Variants in ZNF121 observed in about 807,000 individuals in gnomAD.
ZNF121 encodes zinc finger protein 121 (clone ZHC32).
Under a neutral mutation model 2.4 loss-of-function variants are expected in ZNF121, and 1 was observed. The ratio of observed to expected loss-of-function variants is 0.41; its 90% CI spans 0.15 to 1.94. ZNF121 has a LOEUF of 1.94. ZNF121 is among the 30% of genes most tolerant of loss of function. ZNF121 has a pLI of 0.30. For synonymous variants in ZNF121, 173 were observed against 158.6 expected, an observed-to-expected ratio of 1.09 and a Z score of -0.68; for missense variants, 369 against 466.3, an observed-to-expected ratio of 0.79 and a Z score of 1.92.
intron 1 of ZNF121, among the ~76,000 whole-genome samples, chr19:9,581,370 AAC>A (rs2074247237): frequency 6.9e-6 from 1 of 144,938 alleles, no homozygotes; most frequent in South Asian, 2.2e-4. Flanking sequence ...CGGTTGGTGA[AAC>A]ACCTGATTTT....
In ZNF121 at chr19:9,563,739, TGTTAG is replaced by T. The variant is rs2074113777; in HGVS notation, c.*2196_*2200del. ...TTTTCCCAGCCTGGGCTGGCTTTCTTGTTAGAGGTCAATGCAGTTGGTGACTTTAA... is the reference window on the plus strand; with the variant it reads ...TTTTCCCAGCCTGGGCTGGCTTTCTTAGGTCAATGCAGTTGGTGACTTTAA... On this transcript the variant is annotated 3_prime_UTR_variant, in exon 4 of 4. Transcript: ENST00000320451. The T allele has an allele frequency of 6.6e-6, 1 of 152,248 alleles. No individual in the cohort carries two copies. Among genetic ancestry groups the T allele is most frequent in the South Asian group, 2.1e-4 (1 of 4,834 alleles). The allele number at this position is 152,248 out of a possible 1,614,324, so 9.4% of individuals were successfully genotyped here.
At position 9,577,521 on chromosome 19, in the gene ZNF121, TAA is replaced by T. The variant is rs1200123836; in HGVS notation, c.-160+6938_-160+6939del. ...TGAAGGAGCTATGCAAGGAAAACTA[TAA>T]AACACTGATGAAACAAACTGTAGAG... is the stretch of plus-strand genomic sequence containing the variant. On this transcript the variant is annotated intron_variant, in intron 1 of 3. Transcript: ENST00000320451. Among the ~76,000 whole-genome samples the T allele has an allele frequency of 2.0e-5, 3 of 151,066 alleles. No individual in the cohort carries two copies. In the East Asian group the frequency reaches 5.8e-4, roughly 29 times the overall value.
intron 1 of ZNF121, among the ~76,000 whole-genome samples, chr19:9,570,733 A>G (rs1003141737): frequency 9.0e-6 from 1 of 111,438 alleles, no homozygotes; most frequent in Non-Finnish European, 1.8e-5. Flanking sequence ...CACTTGGCTA[A>G]TTTTTTGCGA....
At chr19:9,583,488 G>GATTTT (rs1568217015) in intron 1 of ZNF121, among the ~76,000 whole-genome samples, 3 of 109,816 alleles carry the variant, frequency 2.7e-5, no homozygotes, top group African/African-American at 1.4e-4. Flanking sequence ...ACCAAGCCTG[G>GATTTT]CTTTTTTTTT....
chr19:9,580,035 G>C (rs1302381150), intron 1 of ZNF121, among the ~76,000 whole-genome samples: 1 of 152,108 alleles, frequency 6.6e-6, no homozygotes, highest in African/African-American at 2.4e-5. Context: ...GCTCACACCT[G>C]TTATCCCAGC....
intron 1 of ZNF121, among the ~76,000 whole-genome samples, chr19:9,583,101 C>T (rs1248897712): frequency 2.0e-5 from 3 of 150,338 alleles, no homozygotes; most frequent in African/African-American, 7.3e-5. Context: ...GCCTGTTGTC[C>T]CTGCTACTCG....
intron 1 of ZNF121, among the ~76,000 whole-genome samples, chr19:9,574,507 T>C (rs192220194): frequency 1.3e-5 from 2 of 152,128 alleles, no homozygotes; most frequent in African/African-American, 4.8e-5. Flanking sequence ...CCCAGCAGAT[T>C]TGCCATGAGA....
Position 9,566,356 on chromosome 19 carries a change from CCT to C in ZNF121, c.755_756del (p.Glu252GlyfsTer5). 1 of 1,613,750 alleles carries C rather than the reference CCT, an allele frequency of 6.2e-7. No homozygotes were observed. Among genetic ancestry groups the C allele is most frequent in the Non-Finnish European group, 8.5e-7 (1 of 1,179,962 alleles). On this transcript the variant is annotated frameshift_variant, in exon 4 of 4. Coordinates refer to ENST00000320451, the MANE Select transcript of ZNF121 (RefSeq NM_001008727.5). LOFTEE classifies it low-confidence loss of function (END_TRUNC). Reference protein sequence around the residue: ...LLTEHFKTHTEEKPFECKVCG... With the variant: ...LLTEHFKTHTXEKPFECKVCG... ...CATACCTTACATTCAAAGGGCTTCT[CCT>C]CTGTGTGAGTTTTAAAATGTTCAGT...
At chr19:9,583,725 G>A (rs915238612) in intron 1 of ZNF121, among the ~76,000 whole-genome samples, 1 of 151,882 alleles carries the variant, frequency 6.6e-6, no homozygotes, top group South Asian at 2.1e-4. Flanking sequence ...GGCTGGTCTC[G>A]AACTCCTGAC....
chr19:9,562,586 T>C lies in ZNF121; in HGVS notation c.*3354A>G, dbSNP rs141993523. 3.1e-3 allele frequency: 387 copies of C among 123,772 alleles called. 2 individuals carry two copies. The highest frequency in any genetic ancestry group is 9.5e-3 in the African/African-American group (375 of 39,342). 7.7% of individuals were successfully genotyped at this position (123,772 alleles called of 1,614,324 possible). A position where few individuals can be genotyped will look rare whatever the true frequency, so the allele number is the denominator to read the frequency against. Reference sequence around the variant, plus strand: ...GCTCCACCAACTGGCCACTCTCCCCTCTCTCCTCCTCTTCCCAGGCCTCCT... The same window carrying C: ...GCTCCACCAACTGGCCACTCTCCCCCCTCTCCTCCTCTTCCCAGGCCTCCT... On this transcript the variant is annotated 3_prime_UTR_variant, in exon 4 of 4. Transcript: ENST00000320451.
At chr19:9,575,117 A>G (rs1317502404) in intron 1 of ZNF121, among the ~76,000 whole-genome samples, 1 of 152,170 alleles carries the variant, frequency 6.6e-6, no homozygotes, top group Non-Finnish European at 1.5e-5. Context: ...AAAAAAATTG[A>G]TATCTAAGAA....
At chr19:9,577,477 A>G in intron 1 of ZNF121, among the ~76,000 whole-genome samples, 1 of 152,042 alleles carries the variant, frequency 6.6e-6, no homozygotes, top group Admixed American at 6.6e-5. Flanking sequence ...AAAAAGAAAA[A>G]AAAAAGTAAC....
Position 9,567,935 on chromosome 19 carries a change from AC to A in ZNF121, c.3+159del, listed in dbSNP as rs549003944. 5.7e-3 allele frequency among the ~76,000 whole-genome samples: 873 copies of A among 152,254 alleles called. 16 individuals are homozygous for A. The highest frequency in any genetic ancestry group is 8.0e-3 in the Non-Finnish European group (546 of 68,002). ...CTCCTGCTGTGCAGCCCAGTTCCTA[AC>A]ACTAACAGAAACAGTACCAGTGGGG... On this transcript the variant is annotated intron_variant, in intron 3 of 3. Coordinates refer to ENST00000320451, the MANE Select transcript of ZNF121 (RefSeq NM_001008727.5).
Position 9,563,179 on chromosome 19 carries a change from TAAGA to T in ZNF121, c.*2757_*2760del, listed in dbSNP as rs958202263. 2 of 150,746 alleles carry T rather than the reference TAAGA, an allele frequency of 1.3e-5. No individual in the cohort carries two copies. The highest frequency in any genetic ancestry group is 2.9e-5 in the Non-Finnish European group (2 of 67,836). The allele number at this position is 150,746 out of a possible 1,614,324, so 9.3% of individuals were successfully genotyped here. A position where few individuals can be genotyped will look rare whatever the true frequency, so the allele number is the denominator to read the frequency against. On this transcript the variant is annotated 3_prime_UTR_variant, in exon 4 of 4. Coordinates refer to ENST00000320451, the MANE Select transcript of ZNF121 (RefSeq NM_001008727.5). ...GCTACTCCAGTGAACACACACATAA[TAAGA>T]AAGGAAAACAGCCTCACCACTAACA...
intron 1 of ZNF121, among the ~76,000 whole-genome samples, chr19:9,583,937 A>G (rs1476637340): frequency 2.0e-5 from 3 of 152,240 alleles, no homozygotes; most frequent in East Asian, 1.9e-4. Context: ...CACACCCTAA[A>G]CGACTATTTT....
chr19:9,578,470 G>A (rs975824690), intron 1 of ZNF121, among the ~76,000 whole-genome samples: 2 of 151,518 alleles, frequency 1.3e-5, no homozygotes, highest in Admixed American at 6.6e-5. Flanking sequence ...AGCTACCATA[G>A]CCAAATCAGC....
chr19:9,566,355 T>C lies in ZNF121; in HGVS notation c.758A>G (p.Glu253Gly). The change falls in exon 4 of 4, where the codon GAG (glutamate) becomes GGG (glycine). Residue 253 changes from glutamate to glycine, a missense_variant. Glu to Gly is a moderately conservative substitution (Grantham distance 98, BLOSUM62 -2). This residue lies in a region of ZNF121 where 127 missense variants were observed against 169.9 expected (regional missense o/e 0.75). Transcript: ENST00000320451. ...ACATACCTTACATTCAAAGGGCTTC[T>C]CCTCTGTGTGAGTTTTAAAATGTTC... ...LTEHFKTHTE[E>G]KPFECKVCGK... 1.9e-6 allele frequency: 3 copies of C among 1,613,990 alleles called. No homozygotes were observed. The highest frequency in any genetic ancestry group is 2.5e-6 in the Non-Finnish European group (3 of 1,179,986).
Position 9,562,945 on chromosome 19 carries a change from C to A in ZNF121, c.*2995G>T, listed in dbSNP as rs112825606. The A allele has an allele frequency of 7.1e-6, 1 of 141,480 alleles. No homozygotes were observed. The highest frequency in any genetic ancestry group is 2.2e-4 in the East Asian group (1 of 4,608). The allele number at this position is 141,480 out of a possible 1,614,324, so 8.8% of individuals were successfully genotyped here. Reference sequence around the variant, plus strand: ...GGCCATGGTGGTGCACACCTGCAGTCTTTAGCTACTCAGGAGACAGGAAGA... The same window carrying A: ...GGCCATGGTGGTGCACACCTGCAGTATTTAGCTACTCAGGAGACAGGAAGA... On this transcript the variant is annotated 3_prime_UTR_variant, in exon 4 of 4. Transcript: ENST00000320451.
intron 1 of ZNF121, among the ~76,000 whole-genome samples, chr19:9,571,135 C>T (rs1568499851): frequency 6.6e-6 from 1 of 152,150 alleles, no homozygotes; most frequent in South Asian, 2.1e-4. Context: ...GCATTATGGG[C>T]CACATGGTCT....
Sources: gnomAD v4.1 joint callset for allele counts (sites outside exome capture counted in the v4.1 genomes callset) on GRCh38, gnomAD v4.1.1 for gene constraint, gnomAD v4.1.1 regional missense constraint, MANE v1.5 for transcripts, NCBI Gene and HGNC (gene_info 2026-07-23, HGNC 2026-07-21) for gene names.